Variants in GLUD1 observed in about 807,000 individuals in gnomAD.
GLUD1 encodes glutamate dehydrogenase 1, mitochondrial.
GLUD1 carries 22 observed loss-of-function variants against 56.0 expected under a neutral mutation model. The observed-to-expected ratio is 0.39, with a 90% CI of 0.28 to 0.56. The LOEUF is 0.56. Ranked by LOEUF, GLUD1 falls within the 20% of genes least tolerant of loss-of-function variation. The pLI is 0.58. For synonymous variants in GLUD1, 223 were observed against 269.9 expected, an observed-to-expected ratio of 0.83 and a Z score of 1.70; for missense variants, 451 against 732.0, an observed-to-expected ratio of 0.62 and a Z score of 4.43.
At chr10:87,079,983 G>A (rs79309756) in intron 1 of GLUD1, among the ~76,000 whole-genome samples, 14,989 of 142,326 alleles carry the variant, frequency 0.11, 909 homozygotes, top group Admixed American at 0.15. Context: ...TCCCTCTGAT[G>A]CCGAGCGGAA....
rs969296405 is a variant in GLUD1 at position 87,094,101 on chromosome 10, G to A, written c.445+224C>T. 6.6e-7 allele frequency: 1 copy of A among 1,505,716 alleles called. No homozygotes were observed. Among genetic ancestry groups the A allele is most frequent in the African/African-American group, 1.4e-5 (1 of 71,682 alleles). The allele number at this position is 1,505,716 out of a possible 1,614,324, so 93.3% of individuals were successfully genotyped here. Reference sequence around the variant, plus strand: ...ATCAGCATATACAGAGGCCCGGGGTGACGGCGCGGGGGAGGGGGCAGGCCA... The same window carrying A: ...ATCAGCATATACAGAGGCCCGGGGTAACGGCGCGGGGGAGGGGGCAGGCCA... On this transcript the variant is annotated intron_variant, in intron 1 of 12. Transcript: ENST00000277865. This position sits in a 1 kb window ranked among gnomAD's most constrained non-coding sequence, Gnocchi z 6.6.
intron 5 of GLUD1, chr10:87,067,773 A>G: frequency 2.6e-6 from 1 of 383,018 alleles, no homozygotes. Flanking sequence ...AAGCCCTCTG[A>G]GGGAAAAATC....
At position 87,060,323 on chromosome 10, in the gene GLUD1, G is replaced by C; in HGVS notation, c.1198-82C>G. ...CTGAGGGCAAGAGATGTGCATATAT[G>C]AACAAGGGGCTGTGGGGAGAAGCAC... On this transcript the variant is annotated intron_variant, in intron 8 of 12. Coordinates refer to ENST00000277865, the MANE Select transcript of GLUD1 (RefSeq NM_005271.5). 7 of 909,114 alleles carry C rather than the reference G, an allele frequency of 7.7e-6. No individual in the cohort carries two copies. The South Asian group carries it at 9.1e-5, about 12-fold the overall frequency. The allele number at this position is 909,114 out of a possible 1,614,324, so 56.3% of individuals were successfully genotyped here. A position where few individuals can be genotyped will look rare whatever the true frequency, so the allele number is the denominator to read the frequency against.
Position 87,059,162 on chromosome 10 carries a change from A to G in GLUD1, c.1390T>C (p.Tyr464His). ...LTFKYERDSN[Y>H]HLLMSVQESL... ...TATCGATACTCACTGAGCAAGTGGT[A>G]GTTAGAATCCCTTTCATATTTGAAG... The change falls in exon 10 of 13, where the codon TAC (tyrosine) becomes CAC (histidine). Residue 464 changes from tyrosine (Y) to histidine (H), a missense_variant. By Grantham distance (83) the Tyr-to-His change is moderately conservative (BLOSUM62 2). Around this residue, in one of 4 missense-constraint regions of GLUD1, gnomAD observed 248 missense variants for 460.0 expected, o/e 0.54. Transcript: ENST00000277865. The G allele has an allele frequency of 1.9e-6, 3 of 1,612,880 alleles. No homozygotes were observed. Among genetic ancestry groups the G allele is most frequent in the Non-Finnish European group, 2.5e-6 (3 of 1,179,972 alleles).
At chr10:87,059,576 C>T (rs1211140464) in intron 9 of GLUD1, among the ~76,000 whole-genome samples, 1 of 152,172 alleles carries the variant, frequency 6.6e-6, no homozygotes, top group Non-Finnish European at 1.5e-5. Context: ...GACTAAATGG[C>T]TTGCCCACCA....
chr10:87,059,386 A>G, intron 9 of GLUD1, 113 bp from the exon 10 acceptor site: 1 of 1,015,504 alleles, frequency 9.8e-7, no homozygotes, highest in East Asian at 2.4e-5. Flanking sequence ...TAAATATCGC[A>G]AATATATTTT....
intron 5 of GLUD1, among the ~76,000 whole-genome samples, chr10:87,067,014 T>C (rs538403942): frequency 1.9e-4 from 29 of 152,364 alleles, no homozygotes; most frequent in African/African-American, 6.5e-4. Flanking sequence ...CTCTCTGTCA[T>C]GTGCCTCACA....
At chr10:87,068,659 T>C (rs929373383) in intron 4 of GLUD1, among the ~76,000 whole-genome samples, 1 of 152,174 alleles carries the variant, frequency 6.6e-6, no homozygotes, top group Non-Finnish European at 1.5e-5. Flanking sequence ...GCTAAAGCAA[T>C]TGTGTTAAGC....
In GLUD1 at chr10:87,094,671, G is replaced by A. The variant is rs776954917; in HGVS notation, c.99C>T (p.Ala33=). 26 of 1,554,200 alleles carry A rather than the reference G, an allele frequency of 1.7e-5. No individual in the cohort carries two copies. The highest frequency in any genetic ancestry group is 1.1e-4 in the African/African-American group (8 of 72,106). The change falls in exon 1 of 13, where the codon GCC becomes GCT. Residue 33 remains alanine, a synonymous_variant. Coordinates refer to ENST00000277865, the MANE Select transcript of GLUD1 (RefSeq NM_005271.5). This position sits in a 1 kb window ranked among gnomAD's most constrained non-coding sequence, Gnocchi z 6.6. ...SADSAALLGW[A]RGQPAAAPQP... ...GCGGGGCGGCGGCGGGCTGTCCCCGGGCCCAGCCCAGCAACGCGGCCGAGT... is the reference window on the plus strand; with the variant it reads ...GCGGGGCGGCGGCGGGCTGTCCCCGAGCCCAGCCCAGCAACGCGGCCGAGT...
chr10:87,073,640 A>T, intron 4 of GLUD1, among the ~76,000 whole-genome samples: 1 of 98,382 alleles, frequency 1.0e-5, no homozygotes, highest in South Asian at 3.2e-4. Flanking sequence ...TTTTTTTGAG[A>T]CGGAGTCTCG....
At chr10:87,056,541 T>C (rs1845781093) in intron 11 of GLUD1, among the ~76,000 whole-genome samples, 1 of 152,160 alleles carries the variant, frequency 6.6e-6, no homozygotes, top group African/African-American at 2.4e-5. Flanking sequence ...GTGAGCCACC[T>C]GCCTTGGCCT....
intron 11 of GLUD1, among the ~76,000 whole-genome samples, chr10:87,055,846 TG>T: frequency 6.6e-6 from 1 of 152,134 alleles, no homozygotes; most frequent in Non-Finnish European, 1.5e-5. Flanking sequence ...CCGGGCGCGG[TG>T]GCTCACGCCT....
At chr10:87,072,985 T>C (rs1470271364) in intron 4 of GLUD1, among the ~76,000 whole-genome samples, 1 of 152,204 alleles carries the variant, frequency 6.6e-6, no homozygotes, top group African/African-American at 2.4e-5. Flanking sequence ...TAGTGCTGGG[T>C]ATGCGGCACA....
intron 5 of GLUD1, among the ~76,000 whole-genome samples, chr10:87,064,958 G>T (rs1292058462): frequency 1.3e-5 from 2 of 152,186 alleles, no homozygotes; most frequent in Non-Finnish European, 2.9e-5. Context: ...CTAGGACAAA[G>T]AGGGCGGCAC....
At chr10:87,064,628 G>A (rs2133804660) in intron 5 of GLUD1, among the ~76,000 whole-genome samples, 1 of 152,212 alleles carries the variant, frequency 6.6e-6, no homozygotes, top group South Asian at 2.1e-4. Flanking sequence ...TTTACACAGA[G>A]AACTTAGAAT....
chr10:87,075,459 T>G (rs1166109383), intron 3 of GLUD1, among the ~76,000 whole-genome samples: 3 of 152,036 alleles, frequency 2.0e-5, no homozygotes, highest in Middle Eastern at 3.2e-3. Context: ...TGATAAAGGA[T>G]ATAGATATTA....
chr10:87,074,823 A>G (rs1375305612), intron 3 of GLUD1, among the ~76,000 whole-genome samples: 3 of 152,216 alleles, frequency 2.0e-5, no homozygotes, highest in Non-Finnish European at 4.4e-5. Context: ...TAGTAGAACT[A>G]GGGCTCAAAT....
chr10:87,069,158 T>C (rs1000064540), intron 4 of GLUD1, among the ~76,000 whole-genome samples: 2 of 152,030 alleles, frequency 1.3e-5, no homozygotes, highest in Non-Finnish European at 2.9e-5. Context: ...TATAACTTTC[T>C]ATATTATTTC....
chr10:87,071,006 G>A (rs1374734169), intron 4 of GLUD1, among the ~76,000 whole-genome samples: 2 of 151,066 alleles, frequency 1.3e-5, no homozygotes, highest in African/African-American at 2.4e-5. Context: ...GCGGGCGCCT[G>A]TAGTCCCAGC....
Sources: gnomAD v4.1 joint callset for allele counts (sites outside exome capture counted in the v4.1 genomes callset) on GRCh38, gnomAD v4.1.1 for gene constraint, gnomAD v4.1.1 regional missense constraint, Gnocchi (gnomAD v3.1) non-coding constraint, MANE v1.5 for transcripts, NCBI Gene and HGNC (gene_info 2026-07-23, HGNC 2026-07-21) for gene names.